AMZ1: variants seen among roughly 807,000 people sequenced by gnomAD.
The protein encoded by AMZ1 is archaelysin family metallopeptidase 1.
Under a neutral mutation model 29.9 loss-of-function variants are expected in AMZ1, and 39 were observed. The ratio of observed to expected loss-of-function variants is 1.30; its 90% CI spans 1.01 to 1.70. The LOEUF is 1.70. Ranked by LOEUF, AMZ1 falls within the 40% of genes most tolerant of loss-of-function variation. The probability of loss-of-function intolerance (pLI) is 0.00; values close to 1 mark genes in which losing one functional copy is unlikely to be tolerated. For missense variants in AMZ1, 1,041 were observed against 680.6 expected (o/e 1.53, Z -5.89); for synonymous variants, 458 against 304.0 (o/e 1.51, Z -5.27).
chr7:2,682,399 C>T (rs1048749670), intron 1 of AMZ1, among the ~76,000 whole-genome samples: 16 of 152,218 alleles, frequency 1.1e-4, no homozygotes, highest in Non-Finnish European at 2.1e-4. Context: ...CCCAGGAGGC[C>T]TCAGGCCGAT....
chr7:2,750,356 C>A (rs1458226982), intron 4 of AMZ1, among the ~76,000 whole-genome samples: 1 of 152,184 alleles, frequency 6.6e-6, no homozygotes, highest in African/African-American at 2.4e-5. Context: ...CCAGAGCCTG[C>A]AACTGATAGG....
chr7:2,694,951 G>C (rs1186082063), intron 1 of AMZ1, among the ~76,000 whole-genome samples: 1 of 152,182 alleles, frequency 6.6e-6, no homozygotes, highest in Non-Finnish European at 1.5e-5. Context: ...GGGATTCCAG[G>C]CGTGAGCCAT....
intron 4 of AMZ1, among the ~76,000 whole-genome samples, chr7:2,734,000 G>C (rs1026265831): frequency 3.4e-4 from 51 of 152,236 alleles, no homozygotes; most frequent in African/African-American, 1.2e-3. Flanking sequence ...TCTAGAAAGA[G>C]TCCATTATTC....
upstream of AMZ1, chr7:2,763,473 C>G (rs1791672341): frequency 6.6e-6 from 1 of 152,334 alleles, no homozygotes; most frequent in Admixed American, 6.5e-5. Context: ...CCCCGAGCTC[C>G]CTCAACCCCG....
In AMZ1 at chr7:2,708,716, G is replaced by A. The variant is rs138304463; in HGVS notation, c.601G>A (p.Glu201Lys). ...CTTCAGCAAGTTCCTTCCAGGGCAC[G>A]GTGAGCCGGGGCCCCAGCAGCTGTG... ...FTFSKFLPGHEVGVCSFARFS... is the reference protein window; with the variant it reads ...FTFSKFLPGHKVGVCSFARFS... The change falls in exon 4 of 7, where the codon GAA becomes AAA. Residue 201 changes from glutamate (E) to lysine (K), a missense_variant and splice_region_variant. Physicochemically the swap from Glu to Lys is moderately conservative, Grantham distance 56. Coordinates refer to ENST00000683327, the MANE Select transcript of AMZ1 (RefSeq NM_001384743.1). The A allele has an allele frequency of 2.1e-4, 343 of 1,612,428 alleles. 1 individual carries two copies. Among genetic ancestry groups the A allele is most frequent in the African/African-American group, 1.7e-3 (124 of 75,036 alleles).
Position 2,712,492 on chromosome 7 carries a change from G to A in AMZ1, c.1111G>A (p.Asp371Asn). ...GTSVSEPLTP[D>N]AGSHTFASGP... ...CAGTGTGTCGGAGCCCCTCACCCCT[G>A]ATGCCGGGAGTCACACCTTCGCCTC... Residue 371 changes from aspartate (D) to asparagine (N), a missense_variant, in exon 7 of 7, where the codon GAT becomes AAT. Coordinates refer to ENST00000683327, the MANE Select transcript of AMZ1 (RefSeq NM_001384743.1). The A allele has an allele frequency of 5.6e-6, 9 of 1,609,716 alleles. No individual in the cohort carries two copies. The highest frequency in any genetic ancestry group is 1.1e-5 in the South Asian group (1 of 90,786).
chr7:2,739,806 G>A (rs1451765185), intron 4 of AMZ1, among the ~76,000 whole-genome samples: 1 of 152,100 alleles, frequency 6.6e-6, no homozygotes, highest in Non-Finnish European at 1.5e-5. Flanking sequence ...CCAAGTAGCT[G>A]GATTACAGGC....
chr7:2,716,806 A>G lies in AMZ1; in HGVS notation c.*3928A>G, dbSNP rs1425243125. Among the ~76,000 whole-genome samples, 1 of 152,146 alleles carries G rather than the reference A, an allele frequency of 6.6e-6. No homozygotes were observed. Among genetic ancestry groups the G allele is most frequent in the African/African-American group, 2.4e-5 (1 of 41,410 alleles). On this transcript the variant is annotated 3_prime_UTR_variant, in exon 7 of 7. Transcript: ENST00000683327. ...TGTAACGGAATTTTTTTACATCATC[A>G]TCGAGTCTCGAAATGACCTGTAAGG...
intron 4 of AMZ1, among the ~76,000 whole-genome samples, chr7:2,747,424 A>C (rs1790820190): frequency 6.6e-6 from 1 of 152,244 alleles, no homozygotes; most frequent in Admixed American, 6.5e-5. Context: ...CAAAAACCAC[A>C]TGACTATCTC....
At chr7:2,751,245 G>GTA (rs1330767144) in intron 4 of AMZ1, among the ~76,000 whole-genome samples, 2 of 152,054 alleles carry the variant, frequency 1.3e-5, no homozygotes, top group Non-Finnish European at 2.9e-5. Context: ...AGTTAGCCGA[G>GTA]TATGTTGGCA....
chr7:2,740,318 G>A (rs766309373), intron 4 of AMZ1, among the ~76,000 whole-genome samples: 23 of 152,122 alleles, frequency 1.5e-4, no homozygotes, highest in Non-Finnish European at 3.1e-4. Flanking sequence ...ACTTTGGGAG[G>A]TGACTGAAGG....
chr7:2,696,436 T>G (rs1000683668), intron 1 of AMZ1, among the ~76,000 whole-genome samples: 2 of 151,206 alleles, frequency 1.3e-5, no homozygotes, highest in Non-Finnish European at 3.0e-5. Flanking sequence ...TTTTTGTATT[T>G]TTAGTAGAGA....
In AMZ1 at chr7:2,742,925, C is replaced by T. The variant is rs540005667; in HGVS notation, n.551-21787C>T. Among the ~76,000 whole-genome samples the T allele has an allele frequency of 2.6e-4, 39 of 152,314 alleles. No homozygotes were observed. The Middle Eastern group carries it at 0.01, about 40-fold the overall frequency. ...GCTCTGTATTCATTCTAATAATAGA[C>T]CTGTAGGTTCTTCTCAATTTTCCAG... On this transcript the variant is annotated intron_variant and non_coding_transcript_variant, in intron 4 of 4. Coordinates refer to the AMZ1 transcript ENST00000489665.
intron 2 of AMZ1, among the ~76,000 whole-genome samples, 200 bp downstream of exon 2, chr7:2,700,955 C>A (rs971502993): frequency 1.3e-5 from 2 of 152,186 alleles, no homozygotes; most frequent in Non-Finnish European, 2.9e-5. Flanking sequence ...TGACACGATG[C>A]TCAGACGGCC....
In AMZ1 at chr7:2,741,628, C is replaced by T. The variant is rs536983644; in HGVS notation, n.551-23084C>T. On this transcript the variant is annotated intron_variant and non_coding_transcript_variant, in intron 4 of 4. Coordinates refer to the AMZ1 transcript ENST00000489665. The stretch of plus-strand genomic sequence containing the variant: ...GAATAGTACAAAGAGCTCATACAGT[C>T]TTTCTCTAGATTCACCTGTTCACAT... 9.2e-5 allele frequency among the ~76,000 whole-genome samples: 14 copies of T among 152,182 alleles called. No individual in the cohort carries two copies. The East Asian group carries it at 2.7e-3, about 29-fold the overall frequency.
At position 2,700,497 on chromosome 7, in the gene AMZ1, G is replaced by T; in HGVS notation, c.46G>T (p.Ala16Ser). ...PAQEFSFGPRALKDALVSTDA... is the reference protein window; with the variant it reads ...PAQEFSFGPRSLKDALVSTDA... ...ACAGGAGTTCAGCTTCGGGCCCCGG[G>T]CCTTGAAGGACGCTCTGGTCTCCAC... Residue 16 changes from alanine to serine, a missense_variant, in exon 2 of 7, where the codon GCC becomes TCC. Coordinates refer to ENST00000683327, the MANE Select transcript of AMZ1 (RefSeq NM_001384743.1). The T allele has an allele frequency of 6.2e-7, 1 of 1,605,254 alleles. No homozygotes were observed. Among genetic ancestry groups the T allele is most frequent in the Non-Finnish European group, 8.5e-7 (1 of 1,179,882 alleles).
intron 6 of AMZ1, 46 bp from the exon 7 acceptor site, chr7:2,712,284 C>T (rs1788830372): frequency 2.0e-6 from 3 of 1,501,150 alleles, no homozygotes; most frequent in East Asian, 2.3e-5. Context: ...CCTGGCTAGA[C>T]AAGGGCTGGC....
intron 1 of AMZ1, among the ~76,000 whole-genome samples, chr7:2,682,898 C>G (rs914785275): frequency 1.3e-5 from 2 of 152,240 alleles, no homozygotes; most frequent in African/African-American, 4.8e-5. Flanking sequence ...ACCCCCATCT[C>G]TGCCGTTGAC....
intron 1 of AMZ1, among the ~76,000 whole-genome samples, chr7:2,680,988 G>A (rs925574799): frequency 1.3e-5 from 2 of 152,214 alleles, no homozygotes; most frequent in African/African-American, 4.8e-5. Flanking sequence ...ACAGGCGCCG[G>A]GCAGGGCGGC....
Sources: gnomAD v4.1 joint callset for allele counts (sites outside exome capture counted in the v4.1 genomes callset) on GRCh38, gnomAD v4.1.1 for gene constraint, MANE v1.5 for transcripts, NCBI Gene and HGNC (gene_info 2026-07-23, HGNC 2026-07-21) for gene names.